GRM7: variants seen among roughly 807,000 people sequenced by gnomAD.
The protein encoded by GRM7 is metabotropic glutamate receptor 7.
Under a neutral mutation model 84.5 loss-of-function variants are expected in GRM7, and 35 were observed. That is an observed-to-expected ratio of 0.41 (90% confidence interval 0.32 to 0.55). The LOEUF is 0.55. Ranked by LOEUF, GRM7 falls within the 20% of genes least tolerant of loss-of-function variation. GRM7 has a pLI of 0.19. For synonymous variants in GRM7, 487 were observed against 455.1 expected, an observed-to-expected ratio of 1.07 and a Z score of -0.89; for missense variants, 1,003 against 1,194.6, an observed-to-expected ratio of 0.84 and a Z score of 2.36.
chr3:7,448,471 T>C (rs1290754562), intron 5 of GRM7, among the ~76,000 whole-genome samples: 1 of 152,184 alleles, frequency 6.6e-6, no homozygotes, highest in Non-Finnish European at 1.5e-5. Flanking sequence ...CAGAAATCCT[T>C]ACTCACATTG....
chr3:7,206,494 C>A (rs776513235), intron 2 of GRM7, among the ~76,000 whole-genome samples: 5 of 152,090 alleles, frequency 3.3e-5, no homozygotes, highest in Non-Finnish European at 5.9e-5. Context: ...GTTTAATAAA[C>A]CTCAGATTTA....
intron 2 of GRM7, among the ~76,000 whole-genome samples, chr3:7,153,537 AAAT>A (rs770422206): frequency 5.3e-5 from 8 of 152,170 alleles, no homozygotes; most frequent in Non-Finnish European, 1.2e-4. Context: ...TTGAATTTAA[AAAT>A]AATGTGTTAA....
intron 1 of GRM7, among the ~76,000 whole-genome samples, chr3:6,899,490 C>T (rs1696310868): frequency 6.6e-6 from 1 of 152,052 alleles, no homozygotes; most frequent in South Asian, 2.1e-4. Flanking sequence ...TTTGAAAGTG[C>T]TAAGTTCTCT....
intron 1 of GRM7, among the ~76,000 whole-genome samples, chr3:7,098,915 A>G (rs1698952103): frequency 6.6e-6 from 1 of 151,952 alleles, no homozygotes; most frequent in Non-Finnish European, 1.5e-5. Flanking sequence ...ATATATATGC[A>G]CAAGCATACT....
At chr3:7,391,285 A>G (rs1325356015) in intron 4 of GRM7, among the ~76,000 whole-genome samples, 1 of 152,224 alleles carries the variant, frequency 6.6e-6, no homozygotes, top group African/African-American at 2.4e-5. Flanking sequence ...CATTATTCAC[A>G]ATAGCAAAGA....
At chr3:6,879,753 G>T (rs757196879) in intron 1 of GRM7, among the ~76,000 whole-genome samples, 2 of 152,144 alleles carry the variant, frequency 1.3e-5, no homozygotes. Context: ...ATTCAGTATC[G>T]ATTTATAATG....
At chr3:7,448,047 G>C (rs1292135853) in intron 5 of GRM7, among the ~76,000 whole-genome samples, 1 of 151,354 alleles carries the variant, frequency 6.6e-6, no homozygotes, top group African/African-American at 2.4e-5. Context: ...ATGATTTCCA[G>C]TTTCATCCAT....
At chr3:7,628,695 C>G (rs1697730850) in intron 8 of GRM7, among the ~76,000 whole-genome samples, 1 of 152,148 alleles carries the variant, frequency 6.6e-6, no homozygotes, top group Non-Finnish European at 1.5e-5. Flanking sequence ...TGAGAGTCAT[C>G]TCCGAGAATA....
At chr3:7,063,085 G>T (rs1697489469) in intron 1 of GRM7, among the ~76,000 whole-genome samples, 1 of 151,678 alleles carries the variant, frequency 6.6e-6, no homozygotes, top group African/African-American at 2.4e-5. Context: ...ACAAGCCAAA[G>T]GTTAGCTCAG....
At chr3:7,656,039 A>G (rs1191488898) in intron 8 of GRM7, among the ~76,000 whole-genome samples, 1 of 152,196 alleles carries the variant, frequency 6.6e-6, no homozygotes, top group Non-Finnish European at 1.5e-5. Context: ...GTAATAATAA[A>G]TGTAAATGCA....
chr3:7,643,364 A>G (rs1410231835), intron 8 of GRM7, among the ~76,000 whole-genome samples: 1 of 152,186 alleles, frequency 6.6e-6, no homozygotes, highest in Non-Finnish European at 1.5e-5. Context: ...AATGGGTGAT[A>G]GGGCACAGTG....
Position 6,937,084 on chromosome 3 carries a change from T to C in GRM7, c.519+75177T>C, listed in dbSNP as rs1697718883. On this transcript the variant is annotated intron_variant, in intron 1 of 9. Coordinates refer to ENST00000357716, the MANE Select transcript of GRM7 (RefSeq NM_000844.4). ...GATAGAAGTATAAGAAGAAAGAAAG[T>C]CACGGTATTTATTCTCTCCTGCCAA... 3.3e-5 allele frequency among the ~76,000 whole-genome samples: 5 copies of C among 152,198 alleles called. No homozygotes were observed. The South Asian group carries it at 1.0e-3, about 31-fold the overall frequency.
intron 7 of GRM7, among the ~76,000 whole-genome samples, chr3:7,534,901 G>T (rs1201590374): frequency 6.6e-6 from 1 of 152,158 alleles, no homozygotes; most frequent in Non-Finnish European, 1.5e-5. Flanking sequence ...ACATCATAGG[G>T]TGTTCTGGGG....
intron 5 of GRM7, among the ~76,000 whole-genome samples, chr3:7,424,599 T>A (rs750214307): frequency 6.6e-6 from 1 of 151,946 alleles, no homozygotes; most frequent in East Asian, 1.9e-4. Flanking sequence ...ACGAGAAAAA[T>A]TTAATAATCT....
intron 8 of GRM7, among the ~76,000 whole-genome samples, chr3:7,623,188 GGAAGGAAT>G (rs1697440952): frequency 6.6e-6 from 1 of 152,072 alleles, no homozygotes; most frequent in African/African-American, 2.4e-5. Context: ...GTGCATCCAT[GGAAGGAAT>G]GAAGGAGACC....
At chr3:7,199,317 A>C (rs1004113406) in intron 2 of GRM7, among the ~76,000 whole-genome samples, 3 of 152,232 alleles carry the variant, frequency 2.0e-5, no homozygotes, top group Non-Finnish European at 4.4e-5. Flanking sequence ...TATATGAGTG[A>C]GGCCTTCATG....
intron 8 of GRM7, among the ~76,000 whole-genome samples, chr3:7,588,650 GA>G (rs1431455075): frequency 6.6e-6 from 1 of 152,088 alleles, no homozygotes; most frequent in African/African-American, 2.4e-5. Flanking sequence ...CTGTGGCAAG[GA>G]ATGTAAAAGA....
intron 1 of GRM7, among the ~76,000 whole-genome samples, chr3:6,886,098 T>TGTGC: frequency 6.6e-6 from 1 of 151,406 alleles, no homozygotes; most frequent in Non-Finnish European, 1.5e-5. Flanking sequence ...GTTACCATTG[T>TGTGC]GTGTGTGTGT....
chr3:7,567,488 C>T (rs573337964), intron 7 of GRM7, among the ~76,000 whole-genome samples: 2 of 152,196 alleles, frequency 1.3e-5, no homozygotes, highest in East Asian at 3.9e-4. Flanking sequence ...GAGCTCATGC[C>T]TGTAATCCTA....
Sources: gnomAD v4.1 joint callset for allele counts (sites outside exome capture counted in the v4.1 genomes callset) on GRCh38, gnomAD v4.1.1 for gene constraint, MANE v1.5 for transcripts, NCBI Gene and HGNC (gene_info 2026-07-23, HGNC 2026-07-21) for gene names.